Variants in GRID2 observed in about 807,000 individuals in gnomAD.
GRID2 encodes glutamate ionotropic receptor delta type subunit 2.
GRID2 carries 33 observed loss-of-function variants against 114.8 expected under a neutral mutation model. The ratio of observed to expected loss-of-function variants is 0.29; its 90% CI spans 0.22 to 0.38. The LOEUF is 0.38. Ranked by LOEUF, GRID2 falls within the 10% of genes least tolerant of loss-of-function variation. The pLI is 1.00. For missense variants in GRID2, 1,184 were observed against 1,257.7 expected, an observed-to-expected ratio of 0.94 and a Z score of 0.89; for synonymous variants, 505 against 449.9, an observed-to-expected ratio of 1.12 and a Z score of -1.55.
chr4:93,633,520 T>A (rs1721132845), intron 14 of GRID2, among the ~76,000 whole-genome samples: 1 of 152,092 alleles, frequency 6.6e-6, no homozygotes, highest in African/African-American at 2.4e-5. Flanking sequence ...AATAATTATT[T>A]CATACATGAA....
chr4:93,583,576 T>C (rs781652160), intron 13 of GRID2, among the ~76,000 whole-genome samples: 2 of 152,128 alleles, frequency 1.3e-5, no homozygotes, highest in Non-Finnish European at 2.9e-5. Flanking sequence ...TCCTGGCAAG[T>C]AGTTATATTA....
intron 2 of GRID2, among the ~76,000 whole-genome samples, chr4:92,628,195 CAGG>C (rs1730615947): frequency 6.6e-6 from 1 of 152,082 alleles, no homozygotes. Context: ...CATTAGCCAG[CAGG>C]AGAAGGTGCC....
chr4:93,044,421 T>C (rs1725929273), intron 2 of GRID2, among the ~76,000 whole-genome samples: 1 of 152,150 alleles, frequency 6.6e-6, no homozygotes, highest in Admixed American at 6.5e-5. Flanking sequence ...TCCATTACGT[T>C]TGCAAAAGAG....
intron 1 of GRID2, among the ~76,000 whole-genome samples, chr4:92,587,475 T>C (rs148856571): frequency 3.3e-5 from 5 of 152,112 alleles, no homozygotes; most frequent in South Asian, 4.1e-4. Flanking sequence ...ACTAATCACA[T>C]TGTTTTCAGA....
At chr4:92,951,333 T>TTTTA (rs529155664) in intron 2 of GRID2, among the ~76,000 whole-genome samples, 9,016 of 150,458 alleles carry the variant, frequency 0.06, 720 homozygotes, top group African/African-American at 0.18. Context: ...TCGCAAAATT[T>TTTTA]TTTATTTATT....
At chr4:93,210,344 G>A (rs1320448283) in intron 5 of GRID2, among the ~76,000 whole-genome samples, 1 of 152,056 alleles carries the variant, frequency 6.6e-6, no homozygotes, top group Non-Finnish European at 1.5e-5. Flanking sequence ...TTAAAGGAAA[G>A]CGTCCTTTCC....
chr4:92,899,098 T>G (rs1747378590), intron 2 of GRID2, among the ~76,000 whole-genome samples: 1 of 152,106 alleles, frequency 6.6e-6, no homozygotes, highest in Admixed American at 6.5e-5. Flanking sequence ...TTTGACAGAG[T>G]AGCATTTTGA....
chr4:93,412,771 A>G (rs960541997), intron 9 of GRID2, among the ~76,000 whole-genome samples: 1 of 151,790 alleles, frequency 6.6e-6, no homozygotes, highest in Admixed American at 6.6e-5. Flanking sequence ...AACAGGCCCC[A>G]GTGTGTGATG....
chr4:92,726,455 A>G (rs1736074265), intron 2 of GRID2, among the ~76,000 whole-genome samples: 1 of 152,100 alleles, frequency 6.6e-6, no homozygotes, highest in African/African-American at 2.4e-5. Context: ...TATGTGGTGC[A>G]CCACTATACA....
chr4:93,451,550 C>A (rs1722686326), intron 10 of GRID2, among the ~76,000 whole-genome samples: 1 of 152,036 alleles, frequency 6.6e-6, no homozygotes, highest in South Asian at 2.1e-4. Context: ...TGTTTTTAAT[C>A]TTTCTCCTAA....
At chr4:92,438,961 C>T (rs1330025173) in intron 1 of GRID2, among the ~76,000 whole-genome samples, 3 of 152,240 alleles carry the variant, frequency 2.0e-5, no homozygotes, top group Admixed American at 1.3e-4. Context: ...ATTTCATGCG[C>T]GTCCCTGTGA....
At chr4:93,720,475 G>A (rs1288840071) in intron 14 of GRID2, among the ~76,000 whole-genome samples, 1 of 152,078 alleles carries the variant, frequency 6.6e-6, no homozygotes, top group Non-Finnish European at 1.5e-5. Flanking sequence ...TCACGAAACA[G>A]TCAGGAAGTA....
intron 2 of GRID2, among the ~76,000 whole-genome samples, chr4:92,806,583 G>A (rs1740426028): frequency 6.6e-6 from 1 of 151,558 alleles, no homozygotes; most frequent in African/African-American, 2.4e-5. Flanking sequence ...TCTGTGCTAA[G>A]TATGATAATT....
At chr4:92,796,108 A>G (rs570046563) in intron 2 of GRID2, among the ~76,000 whole-genome samples, 15 of 152,014 alleles carry the variant, frequency 9.9e-5, no homozygotes, top group African/African-American at 3.4e-4. Flanking sequence ...GACTTCCATG[A>G]TGTTCTCTCT....
At chr4:92,417,603 A>G (rs1422345412) in intron 1 of GRID2, among the ~76,000 whole-genome samples, 2 of 152,178 alleles carry the variant, frequency 1.3e-5, no homozygotes, top group Non-Finnish European at 2.9e-5. Flanking sequence ...TAAGCACTAT[A>G]TATAATAGTG....
intron 2 of GRID2, among the ~76,000 whole-genome samples, chr4:92,776,246 C>T (rs1441021654): frequency 2.0e-5 from 3 of 151,962 alleles, no homozygotes; most frequent in Non-Finnish European, 4.4e-5. Context: ...TTACAAGATA[C>T]CAGTATACTG....
chr4:93,008,484 C>T (rs1721793717), intron 2 of GRID2, among the ~76,000 whole-genome samples: 1 of 152,032 alleles, frequency 6.6e-6, no homozygotes, highest in Non-Finnish European at 1.5e-5. Flanking sequence ...CTCTTCCTTT[C>T]CTTTTCTTTT....
At chr4:92,924,474 G>A (rs763025665) in intron 2 of GRID2, among the ~76,000 whole-genome samples, 4 of 151,638 alleles carry the variant, frequency 2.6e-5, no homozygotes, top group South Asian at 4.2e-4. Context: ...GTAAGAAATC[G>A]TCACCATTTC....
chr4:92,966,882 T>C (rs1753190991), intron 2 of GRID2, among the ~76,000 whole-genome samples: 1 of 151,978 alleles, frequency 6.6e-6, no homozygotes, highest in South Asian at 2.1e-4. Flanking sequence ...CTTTAATTAG[T>C]AACTTACTAT....
Sources: allele counts gnomAD v4.1 joint callset (sites outside exome capture counted in the v4.1 genomes callset), GRCh38; gene constraint gnomAD v4.1.1; transcripts MANE v1.5; gene names NCBI Gene and HGNC (gene_info 2026-07-23, HGNC 2026-07-21).